The following GLIS3 variants were observed in gnomAD, a reference collection of about 807,000 sequenced individuals.
The protein encoded by GLIS3 is zinc finger protein GLIS3.
A neutral mutation model predicts 78.6 loss-of-function variants in GLIS3; 53 were observed. The ratio of observed to expected loss-of-function variants is 0.67; its 90% CI spans 0.54 to 0.85. The LOEUF (loss-of-function observed/expected upper bound fraction) is 0.85, where lower values mean the gene tolerates loss of function less well. Among genes scored for constraint, GLIS3 ranks in the 40% least tolerant of loss-of-function variants. The pLI, the probability that GLIS3 is intolerant of heterozygous loss-of-function variation, is 0.00. For missense variants in GLIS3, 1,703 were observed against 1,231.1 expected, an observed-to-expected ratio of 1.38 and a Z score of -5.74; for synonymous variants, 684 against 509.9, an observed-to-expected ratio of 1.34 and a Z score of -4.60.
At chr9:3,929,264 C>T (rs186048214) in intron 6 of GLIS3, among the ~76,000 whole-genome samples, 108 of 152,290 alleles carry the variant, frequency 7.1e-4, no homozygotes, top group African/African-American at 2.6e-3. Context: ...TGTGGGTGTG[C>T]AGGAATTATG....
At chr9:4,099,395 C>T (rs186223876) in intron 4 of GLIS3, among the ~76,000 whole-genome samples, 3 of 152,260 alleles carry the variant, frequency 2.0e-5, no homozygotes, top group African/African-American at 7.2e-5. Context: ...CAATCCTTGC[C>T]TTCACCTTCA....
At chr9:4,283,633 T>C (rs571215056) in intron 2 of GLIS3, among the ~76,000 whole-genome samples, 21 of 152,354 alleles carry the variant, frequency 1.4e-4, no homozygotes, top group Admixed American at 5.2e-4. Context: ...GAAAGGACTA[T>C]GCTTTATTGG....
the GLIS3 span, among the ~76,000 whole-genome samples, chr9:4,406,311 T>C: frequency 6.6e-6 from 1 of 152,206 alleles, no homozygotes; most frequent in Non-Finnish European, 1.5e-5. Flanking sequence ...GAGCAGATGA[T>C]ACATTGTTCT....
intron 4 of GLIS3, among the ~76,000 whole-genome samples, chr9:4,045,790 C>G (rs1310537004): frequency 6.6e-6 from 1 of 152,114 alleles, no homozygotes; most frequent in Non-Finnish European, 1.5e-5. Context: ...GTCCTTGCAA[C>G]AGAGATCACT....
chr9:4,230,000 T>A (rs1468395910), intron 2 of GLIS3, among the ~76,000 whole-genome samples: 1 of 152,104 alleles, frequency 6.6e-6, no homozygotes, highest in African/African-American at 2.4e-5. Flanking sequence ...TGAAGAAACT[T>A]TGGAAGAGAA....
At chr9:4,466,858 G>T in the GLIS3 span, among the ~76,000 whole-genome samples, 1 of 152,364 alleles carries the variant, frequency 6.6e-6, no homozygotes, top group Admixed American at 6.5e-5. Context: ...AAGTGCAAGG[G>T]GGTCGGGGTA....
At chr9:4,340,293 G>GA (rs34253104) in intron 2 of GLIS3, among the ~76,000 whole-genome samples, 112,835 of 133,122 alleles carry the variant, frequency 0.85, 47,396 homozygotes, top group East Asian at 0.98. Context: ...AATCAAATGA[G>GA]AAAAAAAAAA....
At chr9:4,263,708 C>T (rs1587210993) in intron 2 of GLIS3, among the ~76,000 whole-genome samples, 1 of 152,192 alleles carries the variant, frequency 6.6e-6, no homozygotes, top group African/African-American at 2.4e-5. Flanking sequence ...TTCCCCAATG[C>T]AATAGAGTAT....
At chr9:4,029,448 C>T (rs970330137) in intron 4 of GLIS3, among the ~76,000 whole-genome samples, 22 of 152,168 alleles carry the variant, frequency 1.4e-4, no homozygotes, top group African/African-American at 4.6e-4. Flanking sequence ...ATTTATCCTT[C>T]GAGTTACAAA....
chr9:4,134,763 T>C (rs1479083979), intron 2 of GLIS3, among the ~76,000 whole-genome samples: 1 of 152,210 alleles, frequency 6.6e-6, no homozygotes, highest in Non-Finnish European at 1.5e-5. Flanking sequence ...AGGAACTGTC[T>C]CTCAGTATGC....
At chr9:4,224,013 A>C (rs552617626) in intron 2 of GLIS3, among the ~76,000 whole-genome samples, 6 of 152,098 alleles carry the variant, frequency 3.9e-5, no homozygotes, top group East Asian at 1.9e-4. Flanking sequence ...AAAAAAAAAA[A>C]CCCCACCAGA....
At chr9:4,483,192 A>G in the GLIS3 span, among the ~76,000 whole-genome samples, 2 of 136,628 alleles carry the variant, frequency 1.5e-5, no homozygotes, top group Non-Finnish European at 3.1e-5. Flanking sequence ...CATATACTAT[A>G]TCTTGCTTTA....
At chr9:4,427,538 T>C in the GLIS3 span, among the ~76,000 whole-genome samples, 1 of 152,150 alleles carries the variant, frequency 6.6e-6, no homozygotes, top group African/African-American at 2.4e-5. Flanking sequence ...CCCTGCCATG[T>C]GACAAGAGAT....
the GLIS3 span, among the ~76,000 whole-genome samples, chr9:4,413,288 G>C: frequency 6.6e-5 from 10 of 152,296 alleles, no homozygotes; most frequent in East Asian, 1.9e-3. Context: ...CCCTTGCATA[G>C]TGCCTAGCAC....
intron 4 of GLIS3, among the ~76,000 whole-genome samples, chr9:3,956,228 C>G (rs1407572441): frequency 6.6e-6 from 1 of 151,690 alleles, no homozygotes; most frequent in African/African-American, 2.4e-5. Flanking sequence ...TTTTAAGTTC[C>G]AAGACACAGC....
upstream of GLIS3, among the ~76,000 whole-genome samples, chr9:4,303,804 T>A (rs1306455014): frequency 1.3e-5 from 2 of 152,258 alleles, no homozygotes; most frequent in Non-Finnish European, 2.9e-5. Flanking sequence ...CTTGACATAT[T>A]ACTTAGGTAT....
At chr9:4,232,876 G>C (rs957262116) in intron 2 of GLIS3, among the ~76,000 whole-genome samples, 1 of 152,120 alleles carries the variant, frequency 6.6e-6, no homozygotes, top group African/African-American at 2.4e-5. Context: ...AGGGAACTTT[G>C]ACCATCCCAA....
the GLIS3 span, among the ~76,000 whole-genome samples, chr9:4,403,358 T>C: frequency 7.1e-4 from 108 of 152,178 alleles, no homozygotes; most frequent in Non-Finnish European, 1.2e-3. Flanking sequence ...CAAGAAGAAA[T>C]CATCTGAAGG....
At chr9:4,165,115 G>A (rs960885323) in intron 2 of GLIS3, among the ~76,000 whole-genome samples, 7 of 152,090 alleles carry the variant, frequency 4.6e-5, no homozygotes, top group Non-Finnish European at 8.8e-5. Flanking sequence ...GAGGCTGGAG[G>A]GGCCCTGAAA....
Sources: gnomAD v4.1 joint callset for allele counts (sites outside exome capture counted in the v4.1 genomes callset) on GRCh38, gnomAD v4.1.1 for gene constraint, MANE v1.5 for transcripts, NCBI Gene and HGNC (gene_info 2026-07-23, HGNC 2026-07-21) for gene names.